Variants in ATAD3B observed in about 807,000 individuals in gnomAD.
ATAD3B encodes the protein ATPase family AAA domain-containing protein 3B.
In ATAD3B, 59 loss-of-function variants were observed where a neutral mutation model predicts 70.2. The observed-to-expected ratio is 0.84, with a 90% CI of 0.68 to 1.04. The LOEUF is 1.04. Ranked by LOEUF, ATAD3B falls within the 50% of genes least tolerant of loss-of-function variation. The pLI is 0.00. For missense variants in ATAD3B, 961 were observed against 913.4 expected, an observed-to-expected ratio of 1.05 and a Z score of -0.67; for synonymous variants, 423 against 388.6, an observed-to-expected ratio of 1.09 and a Z score of -1.04.
intron 4 of ATAD3B, among the ~76,000 whole-genome samples, chr1:1,480,411 G>A (rs987271822): frequency 1.4e-5 from 2 of 146,484 alleles, no homozygotes; most frequent in Non-Finnish European, 3.0e-5. Flanking sequence ...CGGCGGGCGG[G>A]TCTCTGGGTC....
intron 8 of ATAD3B, 37 bp from the exon 9 acceptor site, chr1:1,485,745 A>C (rs1557806360): frequency 1.2e-6 from 2 of 1,611,312 alleles, no homozygotes; most frequent in East Asian, 2.2e-5. Flanking sequence ...TGGCTGTGGC[A>C]GGTGACCCAA....
chr1:1,498,152 AAGTT>A (rs1267391340), downstream of ATAD3B, among the ~76,000 whole-genome samples: 1 of 151,440 alleles, frequency 6.6e-6, no homozygotes, highest in Non-Finnish European at 1.5e-5. Flanking sequence ...AAAAATACGA[AAGTT>A]AGCCGGCATG....
intron 2 of ATAD3B, chr1:1,478,407 T>C (rs1639711184): frequency 6.7e-7 from 1 of 1,496,510 alleles, no homozygotes; most frequent in Middle Eastern, 2.3e-4. Context: ...GGTTGGTGTC[T>C]GACCTCCCTC....
In ATAD3B at chr1:1,490,240, C is replaced by A; in HGVS notation, c.1338-17C>A. ...GCTGGCAGCCCCAGCGTTTCCTTCCCCATCCCTGTCCTACAGATTCATGCT... is the reference window on the plus strand; with the variant it reads ...GCTGGCAGCCCCAGCGTTTCCTTCCACATCCCTGTCCTACAGATTCATGCT... On this transcript the variant is annotated splice_polypyrimidine_tract_variant and intron_variant, in intron 13 of 15. Transcript: ENST00000673477. The A allele has an allele frequency of 8.7e-6, 14 of 1,606,098 alleles. No individual in the cohort carries two copies. Among genetic ancestry groups the A allele is most frequent in the Middle Eastern group, 1.7e-4 (1 of 6,038 alleles).
intron 15 of ATAD3B, among the ~76,000 whole-genome samples, chr1:1,491,318 G>C (rs1043879046): frequency 6.6e-6 from 1 of 151,812 alleles, no homozygotes; most frequent in African/African-American, 2.4e-5. Flanking sequence ...GGCATATCAC[G>C]GGGTCAGATT....
rs1259038823 is a variant in ATAD3B, at chr1:1,497,671, C to A, written c.*1854C>A. 6.6e-6 allele frequency: 1 copy of A among 151,384 alleles called. No individual in the cohort carries two copies. The highest frequency in any genetic ancestry group is 1.5e-5 in the Non-Finnish European group (1 of 67,998). 9.4% of individuals were successfully genotyped at this position (151,384 alleles called of 1,614,324 possible). On this transcript the variant is annotated 3_prime_UTR_variant, in exon 16 of 16. Coordinates refer to ENST00000673477, the MANE Select transcript of ATAD3B (RefSeq NM_031921.6). ...CATGAGGTCAGGAGTTTGAGACCAT[C>A]CTGGCTAACGTGGCAAAACCCCGTC...
intron 4 of ATAD3B, among the ~76,000 whole-genome samples, chr1:1,479,324 C>T (rs35839908): frequency 1.4e-5 from 2 of 147,184 alleles, no homozygotes; most frequent in South Asian, 2.2e-4. Flanking sequence ...ACACAGGCAC[C>T]TGCCCACACA....
rs759198461 is a variant in ATAD3B, at chr1:1,482,237, A to G, written c.614A>G (p.Asp205Gly). 6 of 1,611,530 alleles carry G rather than the reference A, an allele frequency of 3.7e-6. No homozygotes were observed. In the East Asian group the frequency reaches 1.1e-4, roughly 30 times the overall value. ...GCCAAGGCCGAGCGGGAGAATGCAG[A>G]CATCATCCGCGAGCAGATCCGCCTG... is the stretch of plus-strand genomic sequence containing the variant. ...ARAKAERENA[D>G]IIREQIRLKA... is the part of the protein sequence containing the mutation. Residue 205 changes from aspartate to glycine, a missense_variant, in exon 6 of 16, where the codon GAC becomes GGC. Asp to Gly is a moderately conservative substitution (Grantham distance 94, BLOSUM62 -1). Transcript: ENST00000673477.
intron 1 of ATAD3B, among the ~76,000 whole-genome samples, chr1:1,475,358 G>A (rs577489696): frequency 1.3e-5 from 2 of 151,570 alleles, no homozygotes; most frequent in East Asian, 1.9e-4. Context: ...CCCTTTCCCC[G>A]GGTGCCCCCT....
chr1:1,506,709 T>A, the ATAD3B span, among the ~76,000 whole-genome samples: 1 of 152,156 alleles, frequency 6.6e-6, no homozygotes, highest in Non-Finnish European at 1.5e-5. Context: ...CTGTTTCTGC[T>A]GTTGATTTTG....
At chr1:1,493,905 C>T (rs1391567359) in intron 15 of ATAD3B, among the ~76,000 whole-genome samples, 1 of 151,852 alleles carries the variant, frequency 6.6e-6, no homozygotes, top group Non-Finnish European at 1.5e-5. Flanking sequence ...GTTTGTCTGG[C>T]TTTAATATGA....
rs372995030 is a variant in ATAD3B, at chr1:1,495,669, C to T, written c.1799C>T (p.Thr600Met). 5.6e-5 allele frequency: 90 copies of T among 1,612,784 alleles called. 2 individuals carry two copies. The highest frequency in any genetic ancestry group is 6.7e-5 in the Non-Finnish European group (79 of 1,179,330). Residue 600 changes from threonine (T) to methionine (M), a missense_variant, in exon 16 of 16, where the codon ACG becomes ATG. Physicochemically the swap from Thr to Met is moderately conservative, Grantham distance 81. Around this residue, in one of 4 missense-constraint regions of ATAD3B, gnomAD observed 417 missense variants for 335.0 expected, o/e 1.24. Transcript: ENST00000673477. ...ACCCTCACCTCATGGAGCCTGGCCA[C>T]GGACCCCTCCTACCCCTGCCTTGCC... is the stretch of plus-strand genomic sequence containing the variant. ...GETLTSWSLA[T>M]DPSYPCLAGP...
the ATAD3B span, among the ~76,000 whole-genome samples, chr1:1,506,677 T>C: frequency 6.6e-6 from 1 of 152,214 alleles, no homozygotes; most frequent in Non-Finnish European, 1.5e-5. Context: ...AGATTATTCA[T>C]TGTTAGTATG....
At chr1:1,502,130 C>G (rs549666022), downstream of ATAD3B, among the ~76,000 whole-genome samples, 9 of 152,166 alleles carry the variant, frequency 5.9e-5, no homozygotes, top group African/African-American at 1.9e-4. Flanking sequence ...CCGCCTGCCT[C>G]GGTCTCCCAA....
In ATAD3B at chr1:1,490,559, C is replaced by A; in HGVS notation, c.1506-4C>A. ...GCTGCCTCACTTGGGAACTCCTTCC[C>A]CAGGCGCCTGAAGCTGGCCCAGTTT... On this transcript the variant is annotated splice_polypyrimidine_tract_variant and splice_region_variant and intron_variant, in intron 14 of 15. Transcript: ENST00000673477. The A allele has an allele frequency of 6.2e-7, 1 of 1,611,130 alleles. No individual in the cohort carries two copies. Among genetic ancestry groups the A allele is most frequent in the Non-Finnish European group, 8.5e-7 (1 of 1,179,008 alleles).
chr1:1,476,508 T>C (rs1639596390), intron 1 of ATAD3B, among the ~76,000 whole-genome samples: 1 of 145,626 alleles, frequency 6.9e-6, no homozygotes. Flanking sequence ...CTTTCTGTGT[T>C]AGAATAATTT....
the ATAD3B span, among the ~76,000 whole-genome samples, chr1:1,505,801 A>G: frequency 6.6e-6 from 1 of 152,260 alleles, no homozygotes; most frequent in African/African-American, 2.4e-5. Context: ...TGGAATAAAG[A>G]GCAATTGCTA....
intron 1 of ATAD3B, among the ~76,000 whole-genome samples, chr1:1,474,777 AGGCGT>A (rs1639512099): frequency 2.0e-5 from 3 of 152,032 alleles, no homozygotes; most frequent in Non-Finnish European, 4.4e-5. Context: ...CTGGGATGAC[AGGCGT>A]GAGCCGCTGC....
At chr1:1,479,839 C>A (rs1639809247) in intron 4 of ATAD3B, among the ~76,000 whole-genome samples, 1 of 142,352 alleles carries the variant, frequency 7.0e-6, no homozygotes, top group Admixed American at 7.1e-5. Flanking sequence ...TTCACACAGG[C>A]ACACACCGCC....
Sources: gnomAD v4.1 joint callset for allele counts (sites outside exome capture counted in the v4.1 genomes callset) on GRCh38, gnomAD v4.1.1 for gene constraint, gnomAD v4.1.1 regional missense constraint, MANE v1.5 for transcripts, NCBI Gene and HGNC (gene_info 2026-07-23, HGNC 2026-07-21) for gene names.